The following PTPRG variants were observed in gnomAD, a reference collection of about 807,000 sequenced individuals.
PTPRG encodes protein tyrosine phosphatase receptor type G.
Under a neutral mutation model 165.3 loss-of-function variants are expected in PTPRG, and 102 were observed. The ratio of observed to expected loss-of-function variants is 0.62; its 90% CI spans 0.53 to 0.73. PTPRG has a LOEUF of 0.73. PTPRG is among the 30% of genes least tolerant of loss of function. PTPRG has a pLI of 0.00. For missense variants in PTPRG, 1,866 were observed against 1,861.4 expected (o/e 1.00, Z -0.05); for synonymous variants, 675 against 669.5 (o/e 1.01, Z -0.13).
chr3:62,102,791 G>T (rs1026204532), intron 5 of PTPRG, among the ~76,000 whole-genome samples: 1 of 152,164 alleles, frequency 6.6e-6, no homozygotes, highest in South Asian at 2.1e-4. Context: ...CCCATATCAG[G>T]AGCATTGGTT....
At chr3:61,564,214 C>T (rs938915487) in intron 1 of PTPRG, among the ~76,000 whole-genome samples, 7 of 152,356 alleles carry the variant, frequency 4.6e-5, no homozygotes, top group African/African-American at 1.7e-4. Flanking sequence ...TGCTTTACCA[C>T]GGACTTGACG....
intron 3 of PTPRG, among the ~76,000 whole-genome samples, chr3:62,000,402 G>T (rs995450683): frequency 6.6e-6 from 1 of 151,978 alleles, no homozygotes; most frequent in African/African-American, 2.4e-5. Flanking sequence ...AGAGAACTTA[G>T]AATGTAGAAA....
chr3:62,193,895 T>A (rs941517901), intron 9 of PTPRG, among the ~76,000 whole-genome samples: 1 of 152,088 alleles, frequency 6.6e-6, no homozygotes, highest in Non-Finnish European at 1.5e-5. Flanking sequence ...TTAAGAAGAG[T>A]CTTTGAAAAT....
At chr3:62,268,433 A>C (rs1701955288) in intron 19 of PTPRG, among the ~76,000 whole-genome samples, 1 of 152,164 alleles carries the variant, frequency 6.6e-6, no homozygotes, top group Non-Finnish European at 1.5e-5. Flanking sequence ...CCACTATGGC[A>C]CATGATTCCC....
Position 61,877,994 on chromosome 3 carries a change from G to T in PTPRG, c.191-111631G>T, listed in dbSNP as rs186221116. On this transcript the variant is annotated intron_variant, in intron 2 of 29. Coordinates refer to ENST00000474889, the MANE Select transcript of PTPRG (RefSeq NM_002841.4). ...GTGTTTAATTTGAAATGCTGCCAAG[G>T]CTCATTAAGTGAGAGAAGTACTTCC... is the stretch of plus-strand genomic sequence containing the variant. Among the ~76,000 whole-genome samples, 12 of 152,250 alleles carry T rather than the reference G, an allele frequency of 7.9e-5. No individual in the cohort carries two copies. The East Asian group carries it at 2.1e-3, about 27-fold the overall frequency.
At chr3:62,176,531 T>C (rs1159822885) in intron 8 of PTPRG, among the ~76,000 whole-genome samples, 1 of 152,178 alleles carries the variant, frequency 6.6e-6, no homozygotes, top group Admixed American at 6.5e-5. Context: ...ACTCCTTCCC[T>C]GAATGAAGGA....
intron 2 of PTPRG, among the ~76,000 whole-genome samples, chr3:61,960,601 A>G (rs947072728): frequency 1.3e-5 from 2 of 152,124 alleles, no homozygotes; most frequent in African/African-American, 4.8e-5. Context: ...ACAGCCAACT[A>G]GAGTCATTGT....
At chr3:62,047,409 A>T (rs549832943) in intron 4 of PTPRG, among the ~76,000 whole-genome samples, 1 of 152,184 alleles carries the variant, frequency 6.6e-6, no homozygotes, top group Admixed American at 6.5e-5. Flanking sequence ...ACAAGCGTGA[A>T]CCACCACGCC....
At position 61,989,756 on chromosome 3, in the gene PTPRG, G is replaced by A. The variant is rs1417094798; in HGVS notation, c.322G>A (p.Asp108Asn). Residue 108 changes from aspartate to asparagine, a missense_variant, in exon 3 of 30, where the codon GAC becomes AAC. Physicochemically the swap from Asp to Asn is conservative, Grantham distance 23 (BLOSUM62 1). Transcript: ENST00000474889. Reference sequence around the variant, plus strand: ...CCAGGAACTGCAACTCGATGGCTTCGACAATGAGTCTTCTAACAAAACCTG... The same window carrying A: ...CCAGGAACTGCAACTCGATGGCTTCAACAATGAGTCTTCTAACAAAACCTG... ...EYQELQLDGFDNESSNKTWMK... is the reference protein window; with the variant it reads ...EYQELQLDGFNNESSNKTWMK... 94 of 1,613,950 alleles carry A rather than the reference G, an allele frequency of 5.8e-5. No homozygotes were observed. Among genetic ancestry groups the A allele is most frequent in the Non-Finnish European group, 7.4e-5 (87 of 1,180,006 alleles).
intron 2 of PTPRG, among the ~76,000 whole-genome samples, chr3:61,766,529 A>G (rs945387400): frequency 1.3e-5 from 2 of 152,008 alleles, no homozygotes; most frequent in Non-Finnish European, 2.9e-5. Context: ...CTGGAATTTC[A>G]GCTCTCTTTA....
At chr3:62,132,737 G>C (rs913286014) in intron 6 of PTPRG, 69 bp downstream of exon 6, 3 of 1,388,780 alleles carry the variant, frequency 2.2e-6, no homozygotes, top group African/African-American at 1.4e-5. Flanking sequence ...AAAAGAATCA[G>C]GTTATCTTGC....
At chr3:62,175,433 T>C (rs1293749687) in intron 8 of PTPRG, among the ~76,000 whole-genome samples, 1 of 152,156 alleles carries the variant, frequency 6.6e-6, no homozygotes, top group African/African-American at 2.4e-5. Flanking sequence ...CTGGGCAACA[T>C]AGTAAGCCTA....
At chr3:62,102,109 C>G (rs962364024) in intron 5 of PTPRG, among the ~76,000 whole-genome samples, 26 of 152,074 alleles carry the variant, frequency 1.7e-4, no homozygotes, top group Admixed American at 1.7e-3. Context: ...AGGATAGAGG[C>G]TCATTGTGTG....
chr3:62,163,962 G>A (rs865864323), intron 7 of PTPRG, among the ~76,000 whole-genome samples: 1 of 152,222 alleles, frequency 6.6e-6, no homozygotes, highest in Non-Finnish European at 1.5e-5. Context: ...CAGATCATAA[G>A]GGCCCCACCA....
intron 3 of PTPRG, 36 bp from the exon 4 acceptor site, chr3:62,003,313 A>G (rs777314639): frequency 6.3e-7 from 1 of 1,585,480 alleles, no homozygotes. Flanking sequence ...TTTGAAACTC[A>G]CTTTGTTTTC....
At chr3:61,897,050 C>G (rs533807814) in intron 2 of PTPRG, among the ~76,000 whole-genome samples, 222 of 151,304 alleles carry the variant, frequency 1.5e-3, no homozygotes, top group African/African-American at 5.1e-3. Context: ...GTTATTTTGT[C>G]TTTATGAGCT....
intron 1 of PTPRG, among the ~76,000 whole-genome samples, chr3:61,670,934 C>T (rs1169910312): frequency 6.6e-6 from 1 of 152,126 alleles, no homozygotes; most frequent in African/African-American, 2.4e-5. Context: ...CGTAGAGACA[C>T]TGCGAAGCCG....
intron 2 of PTPRG, chr3:61,771,324 C>T (rs537837034): frequency 1.3e-5 from 2 of 151,102 alleles, no homozygotes; most frequent in South Asian, 2.1e-4. Context: ...AGGAGAGAAA[C>T]GGGGGGTTGC....
At chr3:61,704,670 A>G (rs1216834423) in intron 1 of PTPRG, among the ~76,000 whole-genome samples, 1 of 147,192 alleles carries the variant, frequency 6.8e-6, no homozygotes, top group Non-Finnish European at 1.5e-5. Context: ...CTGTTGCCTT[A>G]AAGAAAAACT....
Sources: gnomAD v4.1 joint callset for allele counts (sites outside exome capture counted in the v4.1 genomes callset) on GRCh38, gnomAD v4.1.1 for gene constraint, MANE v1.5 for transcripts, NCBI Gene and HGNC (gene_info 2026-07-23, HGNC 2026-07-21) for gene names.